The following DOCK4 variants were observed in gnomAD, a reference collection of about 807,000 sequenced individuals.
DOCK4 encodes dedicator of cytokinesis 4, also known as dedicator of cytokinesis protein 4.
DOCK4 carries 97 observed loss-of-function variants against 268.1 expected under a neutral mutation model. The ratio of observed to expected loss-of-function variants is 0.36; its 90% CI spans 0.31 to 0.43. The LOEUF is 0.43. Among genes scored for constraint, DOCK4 ranks in the 20% least tolerant of loss-of-function variants. The pLI, the probability that DOCK4 is intolerant of heterozygous loss-of-function variation, is 1.00. For missense variants in DOCK4, 2,145 were observed against 2,455.7 expected, an observed-to-expected ratio of 0.87 and a Z score of 2.67; for synonymous variants, 954 against 887.2, an observed-to-expected ratio of 1.08 and a Z score of -1.34.
intron 1 of DOCK4, among the ~76,000 whole-genome samples, chr7:112,116,144 T>C (rs1563099672): frequency 6.6e-6 from 1 of 152,066 alleles, no homozygotes; most frequent in East Asian, 1.9e-4. Flanking sequence ...CCATACCCAT[T>C]AGCAGTCACT....
intron 22 of DOCK4, among the ~76,000 whole-genome samples, chr7:111,866,444 C>T (rs778879205): frequency 6.6e-6 from 1 of 152,190 alleles, no homozygotes; most frequent in African/African-American, 2.4e-5. Flanking sequence ...ACCTTATGGA[C>T]ACATTTACAT....
At chr7:111,734,348 G>A (rs1476015417) in intron 51 of DOCK4, among the ~76,000 whole-genome samples, 3 of 152,068 alleles carry the variant, frequency 2.0e-5, no homozygotes, top group Non-Finnish European at 4.4e-5. Flanking sequence ...CACCACACCT[G>A]GCTAATTTTT....
rs556953274 is a variant in DOCK4, at chr7:112,138,372, T to C, written c.37+67730A>G. Among the ~76,000 whole-genome samples the C allele has an allele frequency of 6.4e-4, 97 of 152,320 alleles. 2 individuals carry two copies. Among genetic ancestry groups the C allele is most frequent in the African/African-American group, 2.1e-3 (88 of 41,590 alleles). On this transcript the variant is annotated intron_variant, in intron 1 of 52. Coordinates refer to ENST00000428084, the MANE Select transcript of DOCK4 (RefSeq NM_001363540.2). Reference sequence around the variant, plus strand: ...TGCTCTCACTGGTTTGGCATACATATGGTATGGGAGGACAATTACTGCCCT... The same window carrying C: ...TGCTCTCACTGGTTTGGCATACATACGGTATGGGAGGACAATTACTGCCCT...
At chr7:112,057,394 T>C (rs141050852) in intron 1 of DOCK4, among the ~76,000 whole-genome samples, 228 of 151,674 alleles carry the variant, frequency 1.5e-3, no homozygotes, top group African/African-American at 5.1e-3. Context: ...CCACCAAAAA[T>C]ACAAAAAATT....
At chr7:112,030,018 C>T (rs1803139029) in intron 1 of DOCK4, among the ~76,000 whole-genome samples, 1 of 152,162 alleles carries the variant, frequency 6.6e-6, no homozygotes, top group Admixed American at 6.5e-5. Flanking sequence ...CATAGGAGAA[C>T]CATTACATCT....
At chr7:111,809,714 A>C (rs1800941081) in intron 28 of DOCK4, among the ~76,000 whole-genome samples, 1 of 152,234 alleles carries the variant, frequency 6.6e-6, no homozygotes, top group African/African-American at 2.4e-5. Context: ...GTATATGCTA[A>C]AAGACAGATG....
intron 1 of DOCK4, among the ~76,000 whole-genome samples, chr7:112,085,973 T>C (rs980099230): frequency 2.0e-5 from 3 of 152,124 alleles, no homozygotes; most frequent in Admixed American, 6.6e-5. Flanking sequence ...ATGGGCTGGC[T>C]GTATAGGATA....
intron 1 of DOCK4, among the ~76,000 whole-genome samples, chr7:112,106,199 A>C (rs1005401843): frequency 6.6e-6 from 1 of 152,210 alleles, no homozygotes; most frequent in African/African-American, 2.4e-5. Context: ...GGCAGACACT[A>C]AATTCTTTCT....
chr7:112,134,498 A>T (rs540171074), intron 1 of DOCK4, among the ~76,000 whole-genome samples: 57 of 152,312 alleles, frequency 3.7e-4, no homozygotes, highest in East Asian at 9.6e-4. Flanking sequence ...GGCGGGCGGA[A>T]CACAAGGTCA....
At position 112,112,103 on chromosome 7, in the gene DOCK4, C is replaced by A. The variant is rs147179317; in HGVS notation, c.37+93999G>T. Among the ~76,000 whole-genome samples the A allele has an allele frequency of 2.4e-3, 363 of 152,284 alleles. 14 individuals carry two copies. The East Asian group carries it at 0.058, about 25-fold the overall frequency. Reference sequence around the variant, plus strand: ...GTGATATGATTTGGATGTGTGTCCCCTCCAAATCTCATGTTGAAATGTGAC... The same window carrying A: ...GTGATATGATTTGGATGTGTGTCCCATCCAAATCTCATGTTGAAATGTGAC... On this transcript the variant is annotated intron_variant, in intron 1 of 52. Transcript: ENST00000428084.
At chr7:111,888,030 G>A (rs1807993106) in intron 16 of DOCK4, among the ~76,000 whole-genome samples, 1 of 151,996 alleles carries the variant, frequency 6.6e-6, no homozygotes, top group African/African-American at 2.4e-5. Context: ...GGAAGTTCCT[G>A]TCTGATGGCA....
At chr7:111,906,546 C>T (rs1791586158) in intron 13 of DOCK4, among the ~76,000 whole-genome samples, 1 of 152,112 alleles carries the variant, frequency 6.6e-6, no homozygotes, top group African/African-American at 2.4e-5. Context: ...GGTGGCCCCT[C>T]ATGTGTGTGA....
intron 8 of DOCK4, among the ~76,000 whole-genome samples, chr7:111,949,337 A>G (rs13229792): frequency 0.13 from 19,157 of 152,214 alleles, 1,347 homozygotes; most frequent in African/African-American, 0.18. Flanking sequence ...ATCCAATTCC[A>G]TATCTGTACA....
intron 49 of DOCK4, among the ~76,000 whole-genome samples, chr7:111,737,206 T>C (rs1473797582): frequency 2.0e-5 from 3 of 152,208 alleles, no homozygotes; most frequent in African/African-American, 4.8e-5. Context: ...GAAAAGTTTG[T>C]ATTATATTTT....
chr7:112,086,465 C>T (rs1411770836), intron 1 of DOCK4, among the ~76,000 whole-genome samples: 2 of 151,946 alleles, frequency 1.3e-5, no homozygotes, highest in African/African-American at 2.4e-5. Flanking sequence ...AAATCAGAAC[C>T]GAGAGCACCA....
At chr7:111,955,308 T>TG (rs1418954843) in intron 8 of DOCK4, among the ~76,000 whole-genome samples, 1 of 152,238 alleles carries the variant, frequency 6.6e-6, no homozygotes, top group African/African-American at 2.4e-5. Flanking sequence ...AGATCTCTGA[T>TG]ACAACTGTTT....
At chr7:111,962,986 G>A (rs1028097992) in intron 8 of DOCK4, among the ~76,000 whole-genome samples, 1 of 152,182 alleles carries the variant, frequency 6.6e-6, no homozygotes, top group Non-Finnish European at 1.5e-5. Flanking sequence ...TATGCCAGCT[G>A]AGTACCAACT....
chr7:112,161,821 G>A (rs1563145251), intron 1 of DOCK4, among the ~76,000 whole-genome samples: 1 of 152,142 alleles, frequency 6.6e-6, no homozygotes, highest in South Asian at 2.1e-4. Context: ...GAACCTTTAT[G>A]CCAAGGTAAT....
chr7:111,783,974 GCATTTTCAA>G, intron 33 of DOCK4, 22 bp from the exon 34 acceptor site: 1 of 1,581,220 alleles, frequency 6.3e-7, no homozygotes, highest in Non-Finnish European at 8.6e-7. Flanking sequence ...AGAACCCGGG[GCATTTTCAA>G]CATTTATTTT....
Sources: gnomAD v4.1 joint callset for allele counts (sites outside exome capture counted in the v4.1 genomes callset) on GRCh38, gnomAD v4.1.1 for gene constraint, MANE v1.5 for transcripts, NCBI Gene and HGNC (gene_info 2026-07-23, HGNC 2026-07-21) for gene names.